VPS13A: variants seen among roughly 807,000 people sequenced by gnomAD.
VPS13A encodes the protein intermembrane lipid transfer protein VPS13A.
Under a neutral mutation model 390.9 loss-of-function variants are expected in VPS13A, and 264 were observed. The ratio of observed to expected loss-of-function variants is 0.68; its 90% CI spans 0.61 to 0.75. VPS13A has a LOEUF of 0.75. VPS13A is among the 30% of genes least tolerant of loss of function. The pLI, the probability that VPS13A is intolerant of heterozygous loss-of-function variation, is 0.00. For missense variants in VPS13A, 3,409 were observed against 3,733.9 expected (o/e 0.91, Z 2.27); for synonymous variants, 1,231 against 1,227.1 (o/e 1.00, Z -0.07).
intron 31 of VPS13A, 92 bp from the exon 32 acceptor site, chr9:77,293,249 C>T: frequency 8.5e-7 from 1 of 1,171,228 alleles, no homozygotes; most frequent in Non-Finnish European, 1.2e-6. Context: ...GATTTTCTAA[C>T]TATGTTTTGT....
chr9:77,238,438 C>G (rs764345458), intron 19 of VPS13A, 52 bp downstream of exon 19: 1 of 1,305,206 alleles, frequency 7.7e-7, no homozygotes, highest in South Asian at 1.2e-5. Flanking sequence ...CTATATTAAA[C>G]TTTTATTTAT....
intron 1 of VPS13A, among the ~76,000 whole-genome samples, chr9:77,192,281 T>G (rs913342262): frequency 2.6e-5 from 4 of 152,222 alleles, no homozygotes; most frequent in Non-Finnish European, 5.9e-5. Flanking sequence ...AATTGGTTCT[T>G]GGTTCTTCAT....
chr9:77,325,410 T>TG (rs1452417383), intron 45 of VPS13A, among the ~76,000 whole-genome samples: 2 of 151,744 alleles, frequency 1.3e-5, no homozygotes, highest in African/African-American at 4.8e-5. Context: ...TGTTTTTTTT[T>TG]TTTTTTTTTA....
intron 54 of VPS13A, among the ~76,000 whole-genome samples, chr9:77,354,744 A>G (rs746247337): frequency 2.6e-5 from 4 of 152,084 alleles, no homozygotes; most frequent in Non-Finnish European, 5.9e-5. Flanking sequence ...ACTACCTTGC[A>G]TTCCACTTCA....
At chr9:77,319,008 A>G (rs1564725021) in intron 41 of VPS13A, among the ~76,000 whole-genome samples, 1 of 152,040 alleles carries the variant, frequency 6.6e-6, no homozygotes, top group Non-Finnish European at 1.5e-5. Flanking sequence ...CCTGGGCAAC[A>G]TGGTGAAACC....
At chr9:77,413,959 CATTT>C (rs1169307317) in intron 71 of VPS13A, among the ~76,000 whole-genome samples, 6 of 152,188 alleles carry the variant, frequency 3.9e-5, no homozygotes, top group Non-Finnish European at 8.8e-5. Flanking sequence ...CAAAAGAAGA[CATTT>C]ATGCAGCCAG....
At chr9:77,342,363 C>T (rs1037382233) in intron 50 of VPS13A, among the ~76,000 whole-genome samples, 1 of 151,822 alleles carries the variant, frequency 6.6e-6, no homozygotes, top group African/African-American at 2.4e-5. Context: ...AAAAATTCTA[C>T]ACCTGACACT....
chr9:77,325,438 G>A (rs557115573), intron 45 of VPS13A, among the ~76,000 whole-genome samples: 1 of 144,688 alleles, frequency 6.9e-6, no homozygotes, highest in Non-Finnish European at 1.5e-5. Context: ...CTGAAAATCT[G>A]TGCCTTTTAA....
rs749760675 is a variant in VPS13A at position 77,405,886 on chromosome 9, G to A, written c.9298G>A (p.Gly3100Arg). 1.2e-5 allele frequency: 20 copies of A among 1,613,548 alleles called. No homozygotes were observed. The highest frequency in any genetic ancestry group is 1.6e-5 in the Non-Finnish European group (19 of 1,179,976). The change falls in exon 70 of 72, where the codon GGA becomes AGA. Residue 3100 changes from glycine (G) to arginine (R), a missense_variant. This residue lies in a region of VPS13A where 318 missense variants were observed against 333.7 expected (regional missense o/e 0.95). Coordinates refer to ENST00000360280, the MANE Select transcript of VPS13A (RefSeq NM_033305.3). ...CAGTGGTGTATTGTTTGTAACAAAG[G>A]GAACATTTGGACAACTCACGTGTGA... ...TRRGVLFVTKGTFGQLTCEWQ... is the reference protein window; with the variant it reads ...TRRGVLFVTKRTFGQLTCEWQ...
In VPS13A at chr9:77,306,631, C is replaced by CT. The variant is rs1419158902; in HGVS notation, c.3961-1307dup. 6.6e-5 allele frequency among the ~76,000 whole-genome samples: 10 copies of CT among 152,110 alleles called. 1 individual carries two copies. The South Asian group carries it at 1.9e-3, about 28-fold the overall frequency. On this transcript the variant is annotated intron_variant, in intron 34 of 71. Transcript: ENST00000360280. ...GAATTCTTGCTTAGAGGAGGTCAGT[C>CT]TTTTTTTATTGAAGGCCTCCAACTT...
intron 17 of VPS13A, among the ~76,000 whole-genome samples, chr9:77,233,815 C>T (rs1434662660): frequency 2.0e-5 from 3 of 152,046 alleles, no homozygotes; most frequent in Non-Finnish European, 4.4e-5. Context: ...TTTGGTCTAT[C>T]CTGGAGAATG....
intron 68 of VPS13A, chr9:77,382,654 A>G: frequency 1.0e-6 from 1 of 1,003,688 alleles, no homozygotes; most frequent in Non-Finnish European, 1.2e-6. Context: ...AAACTCAGGA[A>G]CACTGCTATT....
At chr9:77,355,098 T>C (rs957479974) in intron 54 of VPS13A, among the ~76,000 whole-genome samples, 3 of 152,186 alleles carry the variant, frequency 2.0e-5, no homozygotes, top group African/African-American at 7.2e-5. Flanking sequence ...CTCATTTCTT[T>C]CTTTGCATTT....
At chr9:77,305,941 A>G (rs1382407949) in intron 34 of VPS13A, among the ~76,000 whole-genome samples, 1 of 152,200 alleles carries the variant, frequency 6.6e-6, no homozygotes, top group East Asian at 1.9e-4. Context: ...GCTCCTGGCA[A>G]AAGTGAAGGA....
At chr9:77,242,259 C>T (rs1314482825) in intron 19 of VPS13A, among the ~76,000 whole-genome samples, 1 of 151,984 alleles carries the variant, frequency 6.6e-6, no homozygotes, top group Non-Finnish European at 1.5e-5. Context: ...CCTTTGTTCT[C>T]TTTCCTAAGA....
At chr9:77,408,070 G>C (rs942760332) in intron 71 of VPS13A, among the ~76,000 whole-genome samples, 1 of 152,134 alleles carries the variant, frequency 6.6e-6, no homozygotes, top group Non-Finnish European at 1.5e-5. Context: ...TACTGATTTT[G>C]TCCTTCTTGA....
In VPS13A at chr9:77,400,159, T is replaced by C. The variant is rs193168149; in HGVS notation, c.9190-3077T>C. Reference sequence around the variant, plus strand: ...GTAATTGCTGACTCAGAGGGTATGTTTAATTGATTTGCATTTTCCTAATTT... The same window carrying C: ...GTAATTGCTGACTCAGAGGGTATGTCTAATTGATTTGCATTTTCCTAATTT... On this transcript the variant is annotated intron_variant, in intron 68 of 71. Coordinates refer to ENST00000360280, the MANE Select transcript of VPS13A (RefSeq NM_033305.3). 2.6e-3 allele frequency among the ~76,000 whole-genome samples: 401 copies of C among 151,994 alleles called. 6 individuals are homozygous for C. Among genetic ancestry groups the C allele is most frequent in the Middle Eastern group, 0.01 (3 of 294 alleles).
At chr9:77,395,099 T>C (rs1041139748) in intron 68 of VPS13A, among the ~76,000 whole-genome samples, 4 of 150,832 alleles carry the variant, frequency 2.7e-5, no homozygotes, top group Non-Finnish European at 4.4e-5. Flanking sequence ...CAAGATTGGC[T>C]GTTTGGTACA....
intron 52 of VPS13A, among the ~76,000 whole-genome samples, chr9:77,345,714 CCTTT>C (rs1357154523): frequency 1.3e-5 from 2 of 151,882 alleles, no homozygotes; most frequent in African/African-American, 2.4e-5. Flanking sequence ...TATTTTGTTT[CCTTT>C]CTTTCTTTCT....
Sources: gnomAD v4.1 joint callset for allele counts (sites outside exome capture counted in the v4.1 genomes callset) on GRCh38, gnomAD v4.1.1 for gene constraint, gnomAD v4.1.1 regional missense constraint, MANE v1.5 for transcripts, NCBI Gene and HGNC (gene_info 2026-07-23, HGNC 2026-07-21) for gene names.